PINK1: variants seen among roughly 807,000 people sequenced by gnomAD.
PINK1 encodes the protein PTEN induced kinase 1, also known as serine/threonine-protein kinase PINK1, mitochondrial.
Under a neutral mutation model 56.0 loss-of-function variants are expected in PINK1, and 58 were observed. That is an observed-to-expected ratio of 1.04 (90% CI 0.84 to 1.29). PINK1 has a LOEUF of 1.29. Ranked by LOEUF, PINK1 falls within the 50% of genes most tolerant of loss-of-function variation. PINK1 has a pLI of 0.00. For synonymous variants in PINK1, 354 were observed against 339.3 expected (o/e 1.04, Z -0.48); for missense variants, 745 against 777.9 (o/e 0.96, Z 0.50).
At position 20,650,892 on chromosome 1, in the gene PINK1, A is replaced by AG. The variant is rs2053263491; in HGVS notation, c.*202dup. The AG allele has an allele frequency of 3.0e-6, 2 of 676,622 alleles. No homozygotes were observed. The highest frequency in any genetic ancestry group is 5.6e-5 in the East Asian group (2 of 35,676). 41.9% of individuals were successfully genotyped at this position (676,622 alleles called of 1,614,324 possible). ...GTCCTCTGCTCACAGACATCTGAAA[A>AG]GTGAATGGCCAAGCTGGTCTAGTAG... On this transcript the variant is annotated 3_prime_UTR_variant, in exon 8 of 8. Transcript: ENST00000321556.
chr1:20,637,461 G>A (rs2053067913), intron 1 of PINK1, among the ~76,000 whole-genome samples: 1 of 152,190 alleles, frequency 6.6e-6, no homozygotes, highest in Non-Finnish European at 1.5e-5. Flanking sequence ...ACTCCTGCTA[G>A]TTGCCCAGGA....
chr1:20,648,719 C>T (rs911399267), intron 6 of PINK1, 87 bp downstream of exon 6: 8 of 1,571,420 alleles, frequency 5.1e-6, no homozygotes, highest in Middle Eastern at 2.1e-4. Flanking sequence ...TGTGATAACC[C>T]AACACCTCCA....
chr1:20,646,206 G>A (rs2053179630), intron 5 of PINK1, among the ~76,000 whole-genome samples: 1 of 151,974 alleles, frequency 6.6e-6, no homozygotes, highest in Non-Finnish European at 1.5e-5. Context: ...GAGGTCGGAG[G>A]ATCACTTGAG....
intron 4 of PINK1, 28 bp from the exon 5 acceptor site, chr1:20,645,532 G>T: frequency 3.1e-6 from 5 of 1,606,910 alleles, no homozygotes; most frequent in Non-Finnish European, 3.4e-6. Flanking sequence ...ATGTGTGGTA[G>T]CCAGAGGCCC....
At chr1:20,649,480 A>G (rs890795584) in intron 7 of PINK1, 2 of 526,084 alleles carry the variant, frequency 3.8e-6, no homozygotes. Flanking sequence ...AAAGTTGTTC[A>G]GAGGCCAGAC....
chr1:20,638,265 T>C, intron 2 of PINK1, 136 bp downstream of exon 2: 1 of 979,946 alleles, frequency 1.0e-6, no homozygotes, highest in Non-Finnish European at 1.5e-6. Context: ...ATAGTCAGGT[T>C]ACCTCCCCCT....
Position 20,649,169 on chromosome 1 carries a change from G to C in PINK1, c.1426G>C (p.Glu476Gln). ...AGAGGCTCAGCTACCTGCACTGCCC[G>C]AGTCAGTGCCTCCAGACGTGAGACA... ...YQEAQLPALP[E>Q]SVPPDVRQLV... The change falls in exon 7 of 8, where the codon GAG (glutamate) becomes CAG (glutamine). Residue 476 changes from glutamate (E) to glutamine (Q), a missense_variant. Glu to Gln is a conservative substitution (Grantham distance 29). Coordinates refer to ENST00000321556, the MANE Select transcript of PINK1 (RefSeq NM_032409.3). The C allele has an allele frequency of 6.2e-7, 1 of 1,614,210 alleles. No individual in the cohort carries two copies. Among genetic ancestry groups the C allele is most frequent in the Non-Finnish European group, 8.5e-7 (1 of 1,180,046 alleles).
In PINK1 at chr1:20,641,673, C is replaced by G. The variant is rs2053116871; in HGVS notation, c.776+1681C>G. ...CCCTGGGTTCATTTCCTCCTAGCCTCTGCTCTCCTGGGGCCCAGAGATTGA... is the reference window on the plus strand; with the variant it reads ...CCCTGGGTTCATTTCCTCCTAGCCTGTGCTCTCCTGGGGCCCAGAGATTGA... On this transcript the variant is annotated intron_variant, in intron 3 of 7. Coordinates refer to ENST00000321556, the MANE Select transcript of PINK1 (RefSeq NM_032409.3). The surrounding 1 kb of genome is among the most constrained non-coding windows in gnomAD (Gnocchi z 4.0). 6.6e-6 allele frequency among the ~76,000 whole-genome samples: 1 copy of G among 152,148 alleles called. No individual in the cohort carries two copies. Among genetic ancestry groups the G allele is most frequent in the South Asian group, 2.1e-4 (1 of 4,824 alleles).
chr1:20,635,442 A>T (rs991162265), intron 1 of PINK1, among the ~76,000 whole-genome samples: 3 of 152,124 alleles, frequency 2.0e-5, no homozygotes, highest in Non-Finnish European at 4.4e-5. Flanking sequence ...CGGAGGTTGC[A>T]GTGAGCTGAG....
At chr1:20,645,804 C>T in intron 5 of PINK1, 81 bp downstream of exon 5, 1 of 1,529,568 alleles carries the variant, frequency 6.5e-7, no homozygotes, top group South Asian at 1.1e-5. Flanking sequence ...CTCTTCAGGT[C>T]CTCTCTGGTT....
rs1299442096 is a variant in PINK1, at chr1:20,645,734, G to C, written c.1123+11G>C. 1 of 1,614,124 alleles carries C rather than the reference G, an allele frequency of 6.2e-7. No homozygotes were observed. The highest frequency in any genetic ancestry group is 8.5e-7 in the Non-Finnish European group (1 of 1,180,026). ...TGGAGCTGGACCCAGGTAGGAACCT[G>C]CTGCACCATCAGAGCTCTCCAGGGG... is the stretch of plus-strand genomic sequence containing the variant. On this transcript the variant is annotated intron_variant, in intron 5 of 7. Transcript: ENST00000321556.
In PINK1 at chr1:20,641,361, C is replaced by T. The variant is rs561999177; in HGVS notation, c.776+1369C>T. On this transcript the variant is annotated intron_variant, in intron 3 of 7. Coordinates refer to ENST00000321556, the MANE Select transcript of PINK1 (RefSeq NM_032409.3). This position sits in a 1 kb window ranked among gnomAD's most constrained non-coding sequence, Gnocchi z 4.0. Reference sequence around the variant, plus strand: ...TGTGGCATGAGTGGCAGCCGGCCGACGTGGTGCTGTCCTGCTGCCGGAGCA... The same window carrying T: ...TGTGGCATGAGTGGCAGCCGGCCGATGTGGTGCTGTCCTGCTGCCGGAGCA... Among the ~76,000 whole-genome samples, 5 of 152,242 alleles carry T rather than the reference C, an allele frequency of 3.3e-5. No individual in the cohort carries two copies. Among genetic ancestry groups the T allele is most frequent in the Admixed American group, 1.3e-4 (2 of 15,290 alleles).
At chr1:20,648,278 C>G (rs966782947) in intron 5 of PINK1, 1 of 596,502 alleles carries the variant, frequency 1.7e-6, no homozygotes, top group African/African-American at 1.8e-5. Context: ...TTGAGCCACA[C>G]AGTCCTTTGC....
intron 1 of PINK1, among the ~76,000 whole-genome samples, chr1:20,636,945 C>T (rs1450870371): frequency 3.9e-5 from 6 of 152,222 alleles, no homozygotes; most frequent in African/African-American, 1.4e-4. Context: ...CAGATAACCT[C>T]CTGGGCAGTC....
rs554567650 is a variant in PINK1 at position 20,637,883 on chromosome 1, G to A, written c.429G>A (p.Leu143=). 2.0e-5 allele frequency: 33 copies of A among 1,614,196 alleles called. No individual in the cohort carries two copies. In the East Asian group the frequency reaches 4.7e-4, roughly 23 times the overall value. The change falls in exon 2 of 8, where the codon TTG becomes TTA. Residue 143 remains leucine (L), a synonymous_variant. Coordinates refer to ENST00000321556, the MANE Select transcript of PINK1 (RefSeq NM_032409.3). The part of the protein sequence containing the change: ...TQKSKPGPDP[L]DTRRLQGFRL... Reference sequence around the variant, plus strand: ...AAAGCAAGCCGGGGCCTGACCCGTTGGACACGAGACGCTTGCAGGGCTTTC... The same window carrying A: ...AAAGCAAGCCGGGGCCTGACCCGTTAGACACGAGACGCTTGCAGGGCTTTC...
chr1:20,633,509 G>GGCA lies in PINK1; in HGVS notation c.-37_-35dup. The GGCA allele has an allele frequency of 8.9e-7, 1 of 1,119,596 alleles. No homozygotes were observed. The highest frequency in any genetic ancestry group is 1.1e-6 in the Non-Finnish European group (1 of 917,112). The allele number at this position is 1,119,596 out of a possible 1,614,324, so 69.4% of individuals were successfully genotyped here. A position where few individuals can be genotyped will look rare whatever the true frequency, so the allele number is the denominator to read the frequency against. On this transcript the variant is annotated 5_prime_UTR_variant, in exon 1 of 8. Transcript: ENST00000321556. ...ACCGGCGGGGGACGCCGGTGGTGGCGGCAGCGGCGGCTGCGGGGGCACCGG... is the reference window on the plus strand; with the variant it reads ...ACCGGCGGGGGACGCCGGTGGTGGCGGCAGCAGCGGCGGCTGCGGGGGCACCGG...
At chr1:20,648,076 A>G (rs1217971398) in intron 5 of PINK1, among the ~76,000 whole-genome samples, 1 of 152,118 alleles carries the variant, frequency 6.6e-6, no homozygotes, top group Non-Finnish European at 1.5e-5. Context: ...CGGCCTCCCA[A>G]AATGTTGGCA....
chr1:20,633,868 G>T lies in PINK1; in HGVS notation c.320G>T (p.Gly107Val). ...GCAGTCTTTCTGGCCTTCGGGCTAG[G>T]GCTGGGCCTCATCGAGGAAAAACAG... ...GRAVFLAFGL[G>V]LGLIEEKQAE... Residue 107 changes from glycine to valine, a missense_variant, in exon 1 of 8, where the codon GGG (glycine) becomes GTG (valine). Transcript: ENST00000321556. The T allele has an allele frequency of 6.3e-7, 1 of 1,579,854 alleles. No individual in the cohort carries two copies. The highest frequency in any genetic ancestry group is 8.6e-7 in the Non-Finnish European group (1 of 1,165,144).
chr1:20,650,759 A>G lies in PINK1; in HGVS notation c.*68A>G. The stretch of plus-strand genomic sequence containing the variant: ...TCCTCTGTGTCGTGATGGTCTGTGA[A>G]TGGTGAGGGTGGGAGTCAGGAGACA... On this transcript the variant is annotated 3_prime_UTR_variant, in exon 8 of 8. Coordinates refer to ENST00000321556, the MANE Select transcript of PINK1 (RefSeq NM_032409.3). 6.4e-7 allele frequency: 1 copy of G among 1,574,316 alleles called. No homozygotes were observed. Among genetic ancestry groups the G allele is most frequent in the Non-Finnish European group, 8.6e-7 (1 of 1,163,666 alleles).
Sources: allele counts gnomAD v4.1 joint callset (sites outside exome capture counted in the v4.1 genomes callset), GRCh38; gene constraint gnomAD v4.1.1; non-coding constraint Gnocchi (gnomAD v3.1); transcripts MANE v1.5; gene names NCBI Gene and HGNC (gene_info 2026-07-23, HGNC 2026-07-21).